Variants in GALNTL5 observed in about 807,000 individuals in gnomAD.
The protein encoded by GALNTL5 is polypeptide N-acetylgalactosaminyltransferase like 5.
A neutral mutation model predicts 51.0 loss-of-function variants in GALNTL5; 44 were observed. The observed-to-expected ratio is 0.86, with a 90% CI of 0.68 to 1.11. The LOEUF is 1.11. Ranked by LOEUF, GALNTL5 falls within the 50% of genes least tolerant of loss-of-function variation. The pLI, the probability that GALNTL5 is intolerant of heterozygous loss-of-function variation, is 0.00. For synonymous variants in GALNTL5, 192 were observed against 182.8 expected, an observed-to-expected ratio of 1.05 and a Z score of -0.41; for missense variants, 528 against 531.8, an observed-to-expected ratio of 0.99 and a Z score of 0.07.
chr7:151,960,157 G>A (rs2080974526), intron 1 of GALNTL5: 1 of 152,242 alleles, frequency 6.6e-6, no homozygotes, highest in Non-Finnish European at 1.5e-5. Context: ...ACCACCCTCA[G>A]CCTTCCTTGC....
At position 152,002,921 on chromosome 7, in the gene GALNTL5, C is replaced by T. The variant is rs1484213201; in HGVS notation, c.866C>T (p.Ser289Phe). The T allele has an allele frequency of 6.2e-7, 1 of 1,613,950 alleles. No homozygotes were observed. Among genetic ancestry groups the T allele is most frequent in the African/African-American group, 1.3e-5 (1 of 74,906 alleles). ...NLQFKWDNVF[S>F]YEMDGPEGST... ...CAATTTAAATGGGATAATGTTTTCT[C>T]TTATGAGATGGATGGACCAGAAGGA... is the stretch of plus-strand genomic sequence containing the variant. Residue 289 changes from serine (S) to phenylalanine (F), a missense_variant, in exon 6 of 9, where the codon TCT (serine) becomes TTT (phenylalanine). By Grantham distance (155) the Ser-to-Phe change is radical. Coordinates refer to ENST00000392800, the MANE Select transcript of GALNTL5 (RefSeq NM_145292.4).
chr7:151,971,278 C>T (rs1172550410), intron 3 of GALNTL5, among the ~76,000 whole-genome samples: 3 of 152,114 alleles, frequency 2.0e-5, no homozygotes, highest in South Asian at 2.1e-4. Flanking sequence ...ATGTCTTCTT[C>T]GTGGGCACAA....
At chr7:152,015,254 T>C (rs999636384) in intron 8 of GALNTL5, among the ~76,000 whole-genome samples, 15 of 152,134 alleles carry the variant, frequency 9.9e-5, no homozygotes, top group African/African-American at 3.6e-4. Flanking sequence ...ACATGAGCAG[T>C]CTTTTTTATG....
chr7:152,006,829 A>C (rs1260874892), intron 6 of GALNTL5, among the ~76,000 whole-genome samples: 1 of 151,854 alleles, frequency 6.6e-6, no homozygotes. Flanking sequence ...GCTGGAGTGC[A>C]GTGGTGCGAT....
intron 2 of GALNTL5, among the ~76,000 whole-genome samples, chr7:151,969,529 A>G (rs2081102245): frequency 6.6e-6 from 1 of 152,070 alleles, no homozygotes; most frequent in Admixed American, 6.5e-5. Flanking sequence ...AGTTTCAACC[A>G]GCAATGTATC....
chr7:152,016,978 C>T (rs2081824777), intron 8 of GALNTL5, among the ~76,000 whole-genome samples: 2 of 148,588 alleles, frequency 1.3e-5, no homozygotes, highest in African/African-American at 5.0e-5. Flanking sequence ...GTAGAGGTTG[C>T]AGTGAGCCAA....
At chr7:151,967,670 T>C (rs2081077115) in intron 2 of GALNTL5, among the ~76,000 whole-genome samples, 177 bp downstream of exon 2, 1 of 152,156 alleles carries the variant, frequency 6.6e-6, no homozygotes, top group Non-Finnish European at 1.5e-5. Flanking sequence ...TATGCATGTA[T>C]TTACCACTTA....
Position 151,997,862 on chromosome 7 carries a change from TAA to T in GALNTL5, c.659-4851_659-4850del, listed in dbSNP as rs577713498. On this transcript the variant is annotated intron_variant, in intron 5 of 8. Coordinates refer to ENST00000392800, the MANE Select transcript of GALNTL5 (RefSeq NM_145292.4). Reference sequence around the variant, plus strand: ...AATTTTAGGTCTTTATTTCATACCATAACCCAAATAAATTATAACTGGATTAA... The same window carrying T: ...AATTTTAGGTCTTTATTTCATACCATCCCAAATAAATTATAACTGGATTAA... Among the ~76,000 whole-genome samples the T allele has an allele frequency of 2.6e-5, 4 of 152,322 alleles. No homozygotes were observed. The South Asian group carries it at 8.3e-4, about 32-fold the overall frequency.
At chr7:151,977,060 C>T (rs1053948816) in intron 3 of GALNTL5, among the ~76,000 whole-genome samples, 1 of 152,102 alleles carries the variant, frequency 6.6e-6, no homozygotes, top group African/African-American at 2.4e-5. Context: ...TATTAGTAAA[C>T]TTAATAGGTA....
intron 5 of GALNTL5, among the ~76,000 whole-genome samples, 190 bp from the exon 6 acceptor site, chr7:152,002,524 T>A (rs1337356140): frequency 6.6e-6 from 1 of 152,180 alleles, no homozygotes; most frequent in Non-Finnish European, 1.5e-5. Context: ...TCAACATCTA[T>A]GGCACATGAT....
At chr7:151,993,534 T>C (rs1199065055) in intron 5 of GALNTL5, among the ~76,000 whole-genome samples, 1 of 152,204 alleles carries the variant, frequency 6.6e-6, no homozygotes, top group East Asian at 1.9e-4. Context: ...GTTAATTATT[T>C]ATTACTAAAC....
chr7:151,989,351 C>T (rs1676180495), intron 5 of GALNTL5, among the ~76,000 whole-genome samples: 1 of 151,916 alleles, frequency 6.6e-6, no homozygotes, highest in Non-Finnish European at 1.5e-5. Flanking sequence ...CGGGGTTTCG[C>T]CATGTTGGCC....
chr7:151,971,528 A>C (rs1352691990), intron 3 of GALNTL5, among the ~76,000 whole-genome samples: 1 of 152,172 alleles, frequency 6.6e-6, no homozygotes, highest in African/African-American at 2.4e-5. Flanking sequence ...ATAACATAAA[A>C]TTTGCCATTT....
At chr7:151,965,856 T>C (rs1445161261) in intron 1 of GALNTL5, among the ~76,000 whole-genome samples, 5 of 152,108 alleles carry the variant, frequency 3.3e-5, no homozygotes, top group Admixed American at 6.5e-5. Context: ...CACTGCACTC[T>C]AGCCTGGGTG....
intron 5 of GALNTL5, 137 bp downstream of exon 5, chr7:151,987,418 G>C: frequency 1.4e-6 from 1 of 730,026 alleles, no homozygotes; most frequent in African/African-American, 1.8e-5. Flanking sequence ...CCAGCCATAT[G>C]AGCCTTTAAT....
intron 5 of GALNTL5, among the ~76,000 whole-genome samples, chr7:152,001,844 C>T (rs1394021356): frequency 6.6e-6 from 1 of 152,148 alleles, no homozygotes; most frequent in Admixed American, 6.5e-5. Context: ...CTGATCAAAA[C>T]ATGAGATTTT....
intron 1 of GALNTL5, among the ~76,000 whole-genome samples, chr7:151,963,681 A>C (rs2081021610): frequency 6.6e-6 from 1 of 152,210 alleles, no homozygotes; most frequent in Non-Finnish European, 1.5e-5. Context: ...TACAGGCATG[A>C]GCCACTGCGC....
At chr7:151,979,465 G>A (rs2081251458) in intron 3 of GALNTL5, among the ~76,000 whole-genome samples, 1 of 149,398 alleles carries the variant, frequency 6.7e-6, no homozygotes. Flanking sequence ...GATTTTTTTT[G>A]GTGGGGGGAG....
chr7:151,980,933 G>A (rs943451957), intron 3 of GALNTL5, among the ~76,000 whole-genome samples: 1 of 151,518 alleles, frequency 6.6e-6, no homozygotes, highest in African/African-American at 2.4e-5. Flanking sequence ...TTTTAGTAGA[G>A]ACGGGGTTTC....
Sources: allele counts gnomAD v4.1 joint callset (sites outside exome capture counted in the v4.1 genomes callset), GRCh38; gene constraint gnomAD v4.1.1; transcripts MANE v1.5; gene names NCBI Gene and HGNC (gene_info 2026-07-23, HGNC 2026-07-21).